The following BMPER variants were observed in gnomAD, a reference collection of about 807,000 sequenced individuals.
BMPER encodes BMP-binding endothelial regulator protein.
Under a neutral mutation model 87.3 loss-of-function variants are expected in BMPER, and 45 were observed. The ratio of observed to expected loss-of-function variants is 0.52; its 90% CI spans 0.41 to 0.66. The LOEUF (loss-of-function observed/expected upper bound fraction) is 0.66, where lower values mean the gene tolerates loss of function less well. Among genes scored for constraint, BMPER ranks in the 30% least tolerant of loss-of-function variants. The probability of loss-of-function intolerance (pLI) is 0.00; values close to 1 mark genes in which losing one functional copy is unlikely to be tolerated. For missense variants in BMPER, 784 were observed against 867.5 expected (o/e 0.90, Z 1.21); for synonymous variants, 326 against 316.2 (o/e 1.03, Z -0.33).
intron 13 of BMPER, among the ~76,000 whole-genome samples, chr7:34,090,158 A>C (rs914199817): frequency 7.9e-5 from 12 of 152,228 alleles, no homozygotes; most frequent in Non-Finnish European, 1.3e-4. Flanking sequence ...TAGCTTTGCT[A>C]ATTGACTTCT....
intron 14 of BMPER, among the ~76,000 whole-genome samples, chr7:34,147,290 T>G (rs1411296934): frequency 3.3e-5 from 5 of 152,212 alleles, no homozygotes; most frequent in Non-Finnish European, 7.3e-5. Context: ...TATGGTGACC[T>G]TCAGCACCCC....
intron 6 of BMPER, among the ~76,000 whole-genome samples, chr7:34,004,823 T>C (rs2127937433): frequency 6.6e-6 from 1 of 152,240 alleles, no homozygotes; most frequent in South Asian, 2.1e-4. Flanking sequence ...TCCTTCACTT[T>C]CGGATTGCAC....
At chr7:34,110,025 T>A (rs1789919459) in intron 13 of BMPER, among the ~76,000 whole-genome samples, 1 of 152,186 alleles carries the variant, frequency 6.6e-6, no homozygotes, top group African/African-American at 2.4e-5. Flanking sequence ...AACCCTCAGC[T>A]GTCCTAGAAA....
Position 33,905,574 on chromosome 7 carries a change from C to G in BMPER, c.-40C>G. On this transcript the variant is annotated 5_prime_UTR_variant, in exon 1 of 15. Coordinates refer to ENST00000649409, the MANE Select transcript of BMPER (RefSeq NM_001365308.1). The stretch of plus-strand genomic sequence containing the variant: ...TGCGGCAGCTGAGCAGAGGCGGCGG[C>G]GCGGGACCTGCAGTCGCCAGGGATT... 6.2e-7 allele frequency: 1 copy of G among 1,605,688 alleles called. No homozygotes were observed. The highest frequency in any genetic ancestry group is 8.5e-7 in the Non-Finnish European group (1 of 1,179,242).
At chr7:34,062,382 G>A (rs904082172) in intron 11 of BMPER, among the ~76,000 whole-genome samples, 9 of 152,254 alleles carry the variant, frequency 5.9e-5, no homozygotes, top group South Asian at 2.1e-4. Context: ...AATGCTATCC[G>A]TAAAACCAAA....
In BMPER at chr7:34,129,098, A is replaced by G. The variant is rs140795138; in HGVS notation, c.1746-14132A>G. ...AAATATTTAGGAAGAAAACATCTAT[A>G]AAGGTTACCCCTTCCTCCGCCAAAA... On this transcript the variant is annotated intron_variant, in intron 13 of 14. Coordinates refer to ENST00000649409, the MANE Select transcript of BMPER (RefSeq NM_001365308.1). Among the ~76,000 whole-genome samples the G allele has an allele frequency of 4.8e-3, 737 of 152,262 alleles. 6 individuals are homozygous for G. Among genetic ancestry groups the G allele is most frequent in the African/African-American group, 0.016 (658 of 41,548 alleles).
chr7:34,118,484 G>A (rs889626633), intron 13 of BMPER, among the ~76,000 whole-genome samples: 1 of 152,104 alleles, frequency 6.6e-6, no homozygotes, highest in Non-Finnish European at 1.5e-5. Flanking sequence ...CTAGGAGGGT[G>A]GTCACTTGAT....
rs1788188941 is a variant in BMPER at position 34,053,103 on chromosome 7, T to C, written c.786+1133T>C. On this transcript the variant is annotated intron_variant, in intron 8 of 14. Transcript: ENST00000649409. ...GCTCACAGGAAAGCCTGGCATCCCA[T>C]GAATGGGATTTAGTTATGCTTGCCG... Among the ~76,000 whole-genome samples the C allele has an allele frequency of 2.6e-5, 4 of 152,150 alleles. No homozygotes were observed. In the South Asian group the frequency reaches 8.3e-4, roughly 32 times the overall value.
At chr7:34,001,885 G>T (rs942253658) in intron 6 of BMPER, among the ~76,000 whole-genome samples, 7 of 151,656 alleles carry the variant, frequency 4.6e-5, no homozygotes, top group Admixed American at 6.6e-5. Context: ...TCATCTAAAA[G>T]AATTTTCTAA....
chr7:34,078,811 C>A (rs779164718), intron 11 of BMPER, 46 bp from the exon 12 acceptor site: 2 of 1,595,210 alleles, frequency 1.3e-6, no homozygotes, highest in Middle Eastern at 1.7e-4. Flanking sequence ...TCTGTGAATC[C>A]TTGGCTTGGT....
intron 13 of BMPER, among the ~76,000 whole-genome samples, chr7:34,129,523 C>T (rs532447798): frequency 2.3e-5 from 3 of 132,620 alleles, no homozygotes; most frequent in Admixed American, 8.0e-5. Flanking sequence ...GGCGACAGAG[C>T]GAGACGCTGT....
chr7:33,979,944 C>T (rs927964781), intron 6 of BMPER, among the ~76,000 whole-genome samples: 2 of 152,196 alleles, frequency 1.3e-5, no homozygotes, highest in South Asian at 2.1e-4. Flanking sequence ...CCTAAGATAA[C>T]GAAACAAATG....
chr7:33,921,189 G>A (rs1013138070), intron 2 of BMPER, among the ~76,000 whole-genome samples: 6 of 152,186 alleles, frequency 3.9e-5, no homozygotes, highest in African/African-American at 1.4e-4. Flanking sequence ...GGTAGGAATA[G>A]CGTCTAATTC....
chr7:34,106,780 A>G (rs1789830526), intron 13 of BMPER, among the ~76,000 whole-genome samples: 1 of 152,216 alleles, frequency 6.6e-6, no homozygotes. Context: ...ACCTGTTCAA[A>G]TAAACTATTC....
chr7:34,074,109 T>A (rs1048477524), intron 11 of BMPER, among the ~76,000 whole-genome samples: 1 of 152,248 alleles, frequency 6.6e-6, no homozygotes, highest in African/African-American at 2.4e-5. Flanking sequence ...ATGGAAAATA[T>A]GTGAAAGCAA....
chr7:33,951,811 G>A (rs1785033203), intron 3 of BMPER, among the ~76,000 whole-genome samples: 1 of 152,176 alleles, frequency 6.6e-6, no homozygotes, highest in South Asian at 2.1e-4. Flanking sequence ...CACATTAAAT[G>A]TTTGCAACTG....
chr7:33,974,872 C>T, intron 6 of BMPER, 88 bp downstream of exon 6: 1 of 1,270,054 alleles, frequency 7.9e-7, no homozygotes, highest in Non-Finnish European at 1.1e-6. Flanking sequence ...TCTACAGCCT[C>T]TCTCTCGTCT....
intron 13 of BMPER, among the ~76,000 whole-genome samples, chr7:34,113,703 AT>A (rs1790041789): frequency 6.6e-6 from 1 of 152,074 alleles, no homozygotes; most frequent in Non-Finnish European, 1.5e-5. Flanking sequence ...TTGTATATCT[AT>A]TTCATGGGCT....
intron 14 of BMPER, among the ~76,000 whole-genome samples, chr7:34,145,813 A>C (rs1791002197): frequency 6.6e-6 from 1 of 152,184 alleles, no homozygotes; most frequent in South Asian, 2.1e-4. Context: ...GCACCATTTC[A>C]GTGCACACGT....
Sources: gnomAD v4.1 joint callset for allele counts (sites outside exome capture counted in the v4.1 genomes callset) on GRCh38, gnomAD v4.1.1 for gene constraint, MANE v1.5 for transcripts, NCBI Gene and HGNC (gene_info 2026-07-23, HGNC 2026-07-21) for gene names.